ARCN1: variants seen among roughly 807,000 people sequenced by gnomAD.
The protein encoded by ARCN1 is coatomer subunit delta.
Under a neutral mutation model 60.4 loss-of-function variants are expected in ARCN1, and 5 were observed. The ratio of observed to expected loss-of-function variants is 0.08; its 90% CI spans 0.04 to 0.17. The LOEUF is 0.17. Among genes scored for constraint, ARCN1 ranks in the 10% least tolerant of loss-of-function variants. ARCN1 has a pLI of 1.00. For missense variants in ARCN1, 464 were observed against 626.5 expected, an observed-to-expected ratio of 0.74 and a Z score of 2.77; for synonymous variants, 224 against 220.0, an observed-to-expected ratio of 1.02 and a Z score of -0.16.
rs1591376877 is a variant in ARCN1, at chr11:118,572,473, T to G, written c.-75T>G. 3 of 1,541,500 alleles carry G rather than the reference T, an allele frequency of 1.9e-6. No homozygotes were observed. The South Asian group carries it at 3.5e-5, about 18-fold the overall frequency. On this transcript the variant is annotated 5_prime_UTR_variant, in exon 1 of 10. Coordinates refer to ENST00000264028, the MANE Select transcript of ARCN1 (RefSeq NM_001655.5). ...GGGGCAGCAGGTCCAGAGCTGCTGG[T>G]GCTCCCGTTCCCCAGACCCTACCCC...
At chr11:118,573,149 TC>T (rs781943292) in intron 1 of ARCN1, among the ~76,000 whole-genome samples, 2 of 152,162 alleles carry the variant, frequency 1.3e-5, no homozygotes, top group African/African-American at 2.4e-5. Context: ...TTCCACTACT[TC>T]CGCAGAACTC....
At chr11:118,598,535 C>G (rs1939080194) in intron 9 of ARCN1, among the ~76,000 whole-genome samples, 1 of 146,710 alleles carries the variant, frequency 6.8e-6, no homozygotes, top group Non-Finnish European at 1.5e-5. Context: ...GCTCTTTTCA[C>G]CCAGGCTGGA....
Position 118,584,510 on chromosome 11 carries a change from T to C in ARCN1, c.684T>C (p.Leu228=). ...RPSGPSKALK[L]GAKGKEVDNF... The stretch of plus-strand genomic sequence containing the variant: ...CAGGCCCCAGCAAGGCTTTAAAACT[T>C]GGAGCCAAAGGAAAGGAAGTAGATA... The change falls in exon 5 of 10, where the codon CTT becomes CTC. Residue 228 remains leucine, a synonymous_variant. Coordinates refer to ENST00000264028, the MANE Select transcript of ARCN1 (RefSeq NM_001655.5). 6.2e-7 allele frequency: 1 copy of C among 1,612,942 alleles called. No homozygotes were observed. The highest frequency in any genetic ancestry group is 1.3e-5 in the African/African-American group (1 of 75,004).
intron 6 of ARCN1, among the ~76,000 whole-genome samples, chr11:118,591,729 C>CT (rs1229865110): frequency 1.2e-4 from 17 of 144,526 alleles, no homozygotes; most frequent in Admixed American, 4.8e-4. Context: ...TTTTTTTGTT[C>CT]TTTTTTTTGT....
At position 118,572,440 on chromosome 11, in the gene ARCN1, C is replaced by T. The variant is rs1938363230; in HGVS notation, c.-108C>T. 4 of 1,136,394 alleles carry T rather than the reference C, an allele frequency of 3.5e-6. No homozygotes were observed. In the Admixed American group the frequency reaches 7.9e-5, roughly 22 times the overall value. 70.4% of individuals were successfully genotyped at this position (1,136,394 alleles called of 1,614,324 possible). ...GCAAGAGGCGAAGCGGCAGCGGTTC[C>T]TGTCAAGGGGGCAGCAGGTCCAGAG... On this transcript the variant is annotated 5_prime_UTR_variant, in exon 1 of 10. Transcript: ENST00000264028.
Position 118,600,681 on chromosome 11 carries a change from C to T in ARCN1, c.1503C>T (p.Thr501=). The change falls in exon 10 of 10, where the codon ACC becomes ACT. Residue 501 remains threonine (T), a synonymous_variant. Coordinates refer to ENST00000264028, the MANE Select transcript of ARCN1 (RefSeq NM_001655.5). ...GCCCCGTCAGGTTTTCCACAGAGAC[C>T]ACTTTCCTAGTGGATAAGTATGAAA... ...GNSPVRFSTE[T]TFLVDKYEIL is the part of the protein sequence containing the mutation. 1.2e-6 allele frequency: 2 copies of T among 1,611,488 alleles called. No individual in the cohort carries two copies. Among genetic ancestry groups the T allele is most frequent in the South Asian group, 1.1e-5 (1 of 90,710 alleles).
intron 1 of ARCN1, among the ~76,000 whole-genome samples, chr11:118,574,161 CAT>C (rs1938426545): frequency 6.6e-6 from 1 of 152,088 alleles, no homozygotes; most frequent in African/African-American, 2.4e-5. Context: ...AGTTGTGTCA[CAT>C]ATTTCTGAAT....
At chr11:118,596,853 T>C (rs181493597) in intron 8 of ARCN1, among the ~76,000 whole-genome samples, 41 of 152,314 alleles carry the variant, frequency 2.7e-4, no homozygotes, top group Non-Finnish European at 5.0e-4. Flanking sequence ...TTTACTGGAT[T>C]GTAAATCAAA....
rs782377528 is a variant in ARCN1 at position 118,581,498 on chromosome 11, T to G, written c.256T>G (p.Phe86Val). The part of the protein sequence containing the change: ...ILEDLETLRL[F>V]SRVIPEYCRA... ...AGAAGATTTGGAGACCCTAAGGCTC[T>G]TCTCAAGAGTGGTAAGAGTACTGCT... The change falls in exon 2 of 10, where the codon TTC becomes GTC. Residue 86 changes from phenylalanine to valine, a missense_variant. Physicochemically the swap from Phe to Val is conservative, Grantham distance 50 (BLOSUM62 -1). This residue lies in a region of ARCN1 where 105 missense variants were observed against 186.3 expected (regional missense o/e 0.56). Transcript: ENST00000264028. 1.9e-6 allele frequency: 3 copies of G among 1,611,670 alleles called. No homozygotes were observed. The Admixed American group carries it at 5.0e-5, about 27-fold the overall frequency.
chr11:118,578,508 G>A (rs1938575231), intron 1 of ARCN1, among the ~76,000 whole-genome samples: 1 of 152,070 alleles, frequency 6.6e-6, no homozygotes, highest in Admixed American at 6.6e-5. Context: ...CTAACATAGA[G>A]GACCATGACT....
At chr11:118,573,971 G>C (rs1056802193) in intron 1 of ARCN1, among the ~76,000 whole-genome samples, 1 of 152,066 alleles carries the variant, frequency 6.6e-6, no homozygotes, top group Non-Finnish European at 1.5e-5. Flanking sequence ...TAATAGTAAA[G>C]TTAAGGTCTT....
At position 118,601,882 on chromosome 11, in the gene ARCN1, C is replaced by G. The variant is rs534654762; in HGVS notation, c.*1168C>G. ...CATGTAATCATGTCTGCTGCTGTTG[C>G]TACCCAAATTTTCATTTCTCCACAT... On this transcript the variant is annotated 3_prime_UTR_variant, in exon 10 of 10. Coordinates refer to ENST00000264028, the MANE Select transcript of ARCN1 (RefSeq NM_001655.5). 5 of 594,846 alleles carry G rather than the reference C, an allele frequency of 8.4e-6. No individual in the cohort carries two copies. The South Asian group carries it at 1.0e-4, about 12-fold the overall frequency. 36.8% of individuals were successfully genotyped at this position (594,846 alleles called of 1,614,324 possible).
Position 118,593,601 on chromosome 11 carries a change from C to A in ARCN1, c.1144C>A (p.Pro382Thr), listed in dbSNP as rs1555076661. The A allele has an allele frequency of 6.2e-7, 1 of 1,610,948 alleles. No homozygotes were observed. Among genetic ancestry groups the A allele is most frequent in the East Asian group, 2.2e-5 (1 of 44,870 alleles). The part of the protein sequence containing the change: ...SFIPLTINCW[P>T]SESGNGCDVN... ...TGCTTTCTCCTCAGTTAATTGCTGG[C>A]CCTCGGAGAGTGGAAATGGCTGTGA... Residue 382 changes from proline to threonine, a missense_variant, in exon 8 of 10, where the codon CCC becomes ACC. Physicochemically the swap from Pro to Thr is conservative, Grantham distance 38 (BLOSUM62 -1). Transcript: ENST00000264028.
chr11:118,579,482 G>A (rs528024441), intron 1 of ARCN1, among the ~76,000 whole-genome samples: 38 of 150,610 alleles, frequency 2.5e-4, no homozygotes, highest in Non-Finnish European at 4.0e-4. Context: ...GACCAGCCTG[G>A]CCAACCAACA....
Position 118,597,914 on chromosome 11 carries a change from A to G in ARCN1, c.1446+3A>G. 6.2e-7 allele frequency: 1 copy of G among 1,614,040 alleles called. No homozygotes were observed. The highest frequency in any genetic ancestry group is 8.5e-7 in the Non-Finnish European group (1 of 1,179,958). ...AGAAAAATTACTGTAACATACAGGT[A>G]CTCCATTTTAGTTGAGAACATATAT... On this transcript the variant is annotated splice_donor_region_variant and intron_variant, in intron 9 of 9. Coordinates refer to ENST00000264028, the MANE Select transcript of ARCN1 (RefSeq NM_001655.5).
rs542792348 is a variant in ARCN1 at position 118,577,252 on chromosome 11, C to CT, written c.4-3982dup. ...ATTCTGTTTCTTTCTTTCTTTCTTT[C>CT]TTTTTTTTTTTTGAGGCAGAGTCTC... On this transcript the variant is annotated intron_variant, in intron 1 of 9. Coordinates refer to ENST00000264028, the MANE Select transcript of ARCN1 (RefSeq NM_001655.5). 3.5e-3 allele frequency among the ~76,000 whole-genome samples: 514 copies of CT among 145,506 alleles called. 3 individuals carry two copies. Among genetic ancestry groups the CT allele is most frequent in the South Asian group, 0.014 (66 of 4,614 alleles).
chr11:118,584,636 T>C lies in ARCN1; in HGVS notation c.810T>C (p.Asn270=), dbSNP rs1555075199. 6.2e-7 allele frequency: 1 copy of C among 1,600,530 alleles called. No homozygotes were observed. Among genetic ancestry groups the C allele is most frequent in the Non-Finnish European group, 8.5e-7 (1 of 1,175,828 alleles). The part of the protein sequence containing the change: ...EATKMHAPPI[N]MESVHMKIEE... ...CCAAAATGCATGCTCCACCCATTAA[T>C]ATGGAAAGGTAAGTAGGAACTTTGA... Residue 270 remains asparagine, a synonymous_variant, in exon 5 of 10, where the codon AAT becomes AAC. Coordinates refer to ENST00000264028, the MANE Select transcript of ARCN1 (RefSeq NM_001655.5).
At chr11:118,576,426 T>TAAAAAA (rs10671866) in intron 1 of ARCN1, among the ~76,000 whole-genome samples, 24 of 108,764 alleles carry the variant, frequency 2.2e-4, no homozygotes, top group African/African-American at 6.2e-4. Flanking sequence ...CCAAAAATGT[T>TAAAAAA]AAAAAAAAAA....
intron 1 of ARCN1, among the ~76,000 whole-genome samples, chr11:118,578,587 C>T (rs1938576756): frequency 6.6e-6 from 1 of 152,098 alleles, no homozygotes; most frequent in African/African-American, 2.4e-5. Flanking sequence ...ACAATATGCT[C>T]CCATTTATTA....
Sources: allele counts gnomAD v4.1 joint callset (sites outside exome capture counted in the v4.1 genomes callset), GRCh38; gene constraint gnomAD v4.1.1; regional missense constraint gnomAD v4.1.1; transcripts MANE v1.5; gene names NCBI Gene and HGNC (gene_info 2026-07-23, HGNC 2026-07-21).